The following TGFBR1 variants were observed in gnomAD, a reference collection of about 807,000 sequenced individuals.
TGFBR1 encodes the protein transforming growth factor beta receptor 1.
Under a neutral mutation model 55.1 loss-of-function variants are expected in TGFBR1, and 20 were observed. That is an observed-to-expected ratio of 0.36 (90% CI 0.26 to 0.53). The LOEUF (loss-of-function observed/expected upper bound fraction) is 0.53. Among genes scored for constraint, TGFBR1 ranks in the 20% least tolerant of loss-of-function variants. TGFBR1 has a pLI of 0.91. For synonymous variants in TGFBR1, 220 were observed against 214.8 expected (o/e 1.02, Z -0.21); for missense variants, 385 against 617.6 (o/e 0.62, Z 3.99).
intron 3 of TGFBR1, among the ~76,000 whole-genome samples, chr9:99,136,856 A>G (rs1827452556): frequency 6.6e-6 from 1 of 152,062 alleles, no homozygotes. Flanking sequence ...AATGACACCA[A>G]TTTATATGTA....
At chr9:99,146,825 T>A (rs1827811897) in intron 7 of TGFBR1, among the ~76,000 whole-genome samples, 1 of 152,208 alleles carries the variant, frequency 6.6e-6, no homozygotes, top group South Asian at 2.1e-4. Context: ...TCTTCCTGTT[T>A]CCATTTGAAT....
intron 1 of TGFBR1, among the ~76,000 whole-genome samples, chr9:99,121,177 CA>C (rs1381156809): frequency 6.6e-6 from 1 of 152,106 alleles, no homozygotes; most frequent in East Asian, 1.9e-4. Context: ...GCCCTAAATT[CA>C]GGGGTGAAAT....
At chr9:99,106,779 G>T (rs971846925) in intron 1 of TGFBR1, among the ~76,000 whole-genome samples, 5 of 152,134 alleles carry the variant, frequency 3.3e-5, no homozygotes, top group Non-Finnish European at 7.3e-5. Flanking sequence ...TGAGCAATTG[G>T]TCTTTATTAT....
intron 1 of TGFBR1, among the ~76,000 whole-genome samples, chr9:99,120,914 T>C (rs1826879267): frequency 6.6e-6 from 1 of 152,208 alleles, no homozygotes; most frequent in Non-Finnish European, 1.5e-5. Flanking sequence ...TTAAATCCCA[T>C]CTTGCCATTT....
intron 1 of TGFBR1, among the ~76,000 whole-genome samples, chr9:99,127,143 G>A (rs1827064799): frequency 6.6e-6 from 1 of 152,220 alleles, no homozygotes; most frequent in Non-Finnish European, 1.5e-5. Context: ...ATCAGCAAAA[G>A]CAAAAGGCAC....
rs117440593 is a variant in TGFBR1, at chr9:99,152,566, T to C, written c.*3261T>C. The C allele has an allele frequency of 5.9e-3, 1,350 of 229,688 alleles. 13 individuals carry two copies. The highest frequency in any genetic ancestry group is 0.035 in the East Asian group (569 of 16,168). The allele number at this position is 229,688 out of a possible 1,614,324, so 14.2% of individuals were successfully genotyped here. A position where few individuals can be genotyped will look rare whatever the true frequency, so the allele number is the denominator to read the frequency against. On this transcript the variant is annotated 3_prime_UTR_variant, in exon 9 of 9. Coordinates refer to ENST00000374994, the MANE Select transcript of TGFBR1 (RefSeq NM_004612.4). Reference sequence around the variant, plus strand: ...CTTTTTTCTCTATGTCTGAGAACTGTCAGATTAAAACAAGATGGCAAAGAG... The same window carrying C: ...CTTTTTTCTCTATGTCTGAGAACTGCCAGATTAAAACAAGATGGCAAAGAG...
intron 1 of TGFBR1, among the ~76,000 whole-genome samples, chr9:99,110,851 T>G (rs1262787887): frequency 6.6e-6 from 1 of 152,254 alleles, no homozygotes; most frequent in Admixed American, 6.5e-5. Context: ...GGTGGAGCCT[T>G]CAGTTAAGCA....
rs1446902520 is a variant in TGFBR1, at chr9:99,139,494, A to G, written c.805+1405A>G. ...CAGTGATCCCTCATCGTCCAGCTTC[A>G]ACAGTTGTCAGGTCACTGCCAATCA... On this transcript the variant is annotated intron_variant, in intron 4 of 8. Coordinates refer to ENST00000374994, the MANE Select transcript of TGFBR1 (RefSeq NM_004612.4). Among the ~76,000 whole-genome samples the G allele has an allele frequency of 2.0e-5, 3 of 152,196 alleles. 1 individual carries two copies. The South Asian group carries it at 6.2e-4, about 31-fold the overall frequency.
At chr9:99,107,430 A>G (rs745612651) in intron 1 of TGFBR1, among the ~76,000 whole-genome samples, 5 of 148,086 alleles carry the variant, frequency 3.4e-5, no homozygotes, top group African/African-American at 1.3e-4. Context: ...TAGTACCACT[A>G]TGTCTATATG....
intron 1 of TGFBR1, among the ~76,000 whole-genome samples, chr9:99,116,476 C>G (rs939433721): frequency 2.0e-5 from 3 of 152,128 alleles, no homozygotes; most frequent in Admixed American, 1.3e-4. Flanking sequence ...AAAGGAAAAT[C>G]TTATGGAAGA....
At position 99,150,749 on chromosome 9, in the gene TGFBR1, A is replaced by C. The variant is rs867160557; in HGVS notation, c.*1444A>C. The C allele has an allele frequency of 4.7e-6, 1 of 214,568 alleles. No individual in the cohort carries two copies. Among genetic ancestry groups the C allele is most frequent in the African/African-American group, 2.3e-5 (1 of 44,438 alleles). The allele number at this position is 214,568 out of a possible 1,614,324, so 13.3% of individuals were successfully genotyped here. On this transcript the variant is annotated 3_prime_UTR_variant, in exon 9 of 9. Coordinates refer to ENST00000374994, the MANE Select transcript of TGFBR1 (RefSeq NM_004612.4). ...TACTTGGGAGAGGTGGTAGCTAAAG[A>C]ACATTCTGAGTATAGGTTTTTCTCC... is the stretch of plus-strand genomic sequence containing the variant.
At chr9:99,136,590 A>G (rs1393594466) in intron 3 of TGFBR1, among the ~76,000 whole-genome samples, 1 of 152,180 alleles carries the variant, frequency 6.6e-6, no homozygotes, top group Non-Finnish European at 1.5e-5. Context: ...TCTGTTTCTA[A>G]CTAGCAGCCT....
intron 5 of TGFBR1, among the ~76,000 whole-genome samples, chr9:99,143,158 A>G (rs1827679363): frequency 6.6e-6 from 1 of 152,238 alleles, no homozygotes; most frequent in Non-Finnish European, 1.5e-5. Flanking sequence ...TCAAAATTTC[A>G]GGTAGAGCTA....
intron 6 of TGFBR1, chr9:99,145,724 G>A (rs146267172): frequency 2.0e-5 from 3 of 152,530 alleles, no homozygotes; most frequent in African/African-American, 7.2e-5. Context: ...TTGAACCTGG[G>A]CATTTCTGAC....
At chr9:99,111,905 A>G (rs1826594699) in intron 1 of TGFBR1, among the ~76,000 whole-genome samples, 1 of 152,172 alleles carries the variant, frequency 6.6e-6, no homozygotes, top group African/African-American at 2.4e-5. Flanking sequence ...TAGCAACCAC[A>G]GGGACTGCTT....
intron 1 of TGFBR1, among the ~76,000 whole-genome samples, chr9:99,117,688 G>T (rs553471269): frequency 1.3e-5 from 2 of 152,120 alleles, no homozygotes; most frequent in Non-Finnish European, 2.9e-5. Context: ...TGTAATCTCT[G>T]TTCTGTTTGC....
intron 3 of TGFBR1, among the ~76,000 whole-genome samples, chr9:99,135,879 G>A (rs1233016814): frequency 2.0e-5 from 3 of 148,198 alleles, no homozygotes; most frequent in Admixed American, 6.7e-5. Context: ...TTTGGAGACG[G>A]AGTTTCACTC....
intron 2 of TGFBR1, among the ~76,000 whole-genome samples, chr9:99,130,746 G>A (rs887770392): frequency 6.6e-6 from 1 of 152,288 alleles, no homozygotes; most frequent in African/African-American, 2.4e-5. Context: ...GTCATCCTGT[G>A]AAATAGGTTT....
chr9:99,110,618 A>G (rs1826539648), intron 1 of TGFBR1, among the ~76,000 whole-genome samples: 1 of 152,214 alleles, frequency 6.6e-6, no homozygotes, highest in Admixed American at 6.5e-5. Context: ...TCGTAAATAT[A>G]TATATAAAAG....
Sources: gnomAD v4.1 joint callset for allele counts (sites outside exome capture counted in the v4.1 genomes callset) on GRCh38, gnomAD v4.1.1 for gene constraint, MANE v1.5 for transcripts, NCBI Gene and HGNC (gene_info 2026-07-23, HGNC 2026-07-21) for gene names.